Variants in CCDC71 observed in about 807,000 individuals in gnomAD.
The protein encoded by CCDC71 is coiled-coil domain containing 71, also known as coiled-coil domain-containing protein 71.
For missense variants in CCDC71, 594 were observed against 604.0 expected (o/e 0.98, Z 0.17); for synonymous variants, 257 against 242.2 (o/e 1.06, Z -0.57).
intron 1 of CCDC71, among the ~76,000 whole-genome samples, chr3:49,165,790 G>T (rs1461248348): frequency 1.3e-5 from 2 of 152,250 alleles, no homozygotes; most frequent in African/African-American, 4.8e-5. Flanking sequence ...AAATATTTGG[G>T]GTGACCTGGG....
chr3:49,163,603 C>T lies in CCDC71; in HGVS notation c.606G>A (p.Gln202=), dbSNP rs1332617531. Residue 202 remains glutamine, a synonymous_variant, in exon 2 of 2, where the codon CAG becomes CAA. Coordinates refer to ENST00000321895, the MANE Select transcript of CCDC71 (RefSeq NM_022903.4). The stretch of plus-strand genomic sequence containing the variant: ...TCAGAGGAGAGTCTGCAAGTGAGAG[C>T]TGCAGTGACTGTGCCTTGTGCTTGG... ...LGAKHKAQSL[Q]LSLADSPLKL... 2.0e-5 allele frequency: 33 copies of T among 1,614,088 alleles called. No homozygotes were observed. Among genetic ancestry groups the T allele is most frequent in the Non-Finnish European group, 2.7e-5 (32 of 1,180,050 alleles).
In CCDC71 at chr3:49,164,203, A is replaced by C. The variant is rs1477458303; in HGVS notation, c.6T>G (p.Ser2Arg). The change falls in exon 2 of 2, where the codon AGT becomes AGG. Residue 2 changes from serine (S) to arginine (R), a missense_variant. Coordinates refer to ENST00000321895, the MANE Select transcript of CCDC71 (RefSeq NM_022903.4). M[S>R]VVVQHVEEKA... is the part of the protein sequence containing the mutation. ...TTTCCTCCACATGCTGAACCACCACACTCATGGCATTAGGCACTGCAGATC... is the reference window on the plus strand; with the variant it reads ...TTTCCTCCACATGCTGAACCACCACCCTCATGGCATTAGGCACTGCAGATC... The C allele has an allele frequency of 6.2e-7, 1 of 1,607,498 alleles. No individual in the cohort carries two copies. Among genetic ancestry groups the C allele is most frequent in the South Asian group, 1.1e-5 (1 of 90,954 alleles).
chr3:49,164,654 G>A (rs1317230061), intron 1 of CCDC71, among the ~76,000 whole-genome samples: 1 of 152,190 alleles, frequency 6.6e-6, no homozygotes, highest in African/African-American at 2.4e-5. Flanking sequence ...AAAAGACACT[G>A]TTAAGATTCT....
rs1426171780 is a variant in CCDC71 at position 49,163,260 on chromosome 3, G to C, written c.949C>G (p.Gln317Glu). The C allele has an allele frequency of 6.3e-7, 1 of 1,574,806 alleles. No homozygotes were observed. Among genetic ancestry groups the C allele is most frequent in the Admixed American group, 1.7e-5 (1 of 57,730 alleles). The change falls in exon 2 of 2, where the codon CAG becomes GAG. Residue 317 changes from glutamine to glutamate, a missense_variant. Coordinates refer to ENST00000321895, the MANE Select transcript of CCDC71 (RefSeq NM_022903.4). ...AKARAKAKAAQVKAKAKAKAA... is the reference protein window; with the variant it reads ...AKARAKAKAAEVKAKAKAKAA... ...TTAGCTTTGGCCTTAGCCTTGACCT[G>C]TGCTGCCTTGGCCTTGGCCCGGGCC...
In CCDC71 at chr3:49,163,388, G is replaced by A; in HGVS notation, c.821C>T (p.Ser274Phe). 1 of 1,614,082 alleles carries A rather than the reference G, an allele frequency of 6.2e-7. No homozygotes were observed. The highest frequency in any genetic ancestry group is 8.5e-7 in the Non-Finnish European group (1 of 1,180,040). ...SPSVRRMKGG[S>F]ALGTKTAQAK... is the part of the protein sequence containing the mutation. ...CTGGGCTGTTTTGGTGCCCAGGGCA[G>A]AGCCCCCTTTCATTCGCCGGACACT... The change falls in exon 2 of 2, where the codon TCT becomes TTT. Residue 274 changes from serine (S) to phenylalanine (F), a missense_variant. By Grantham distance (155) the Ser-to-Phe change is radical (BLOSUM62 -2). Coordinates refer to ENST00000321895, the MANE Select transcript of CCDC71 (RefSeq NM_022903.4).
chr3:49,164,026 T>G lies in CCDC71; in HGVS notation c.183A>C (p.Gln61His). 6.2e-7 allele frequency: 1 copy of G among 1,614,056 alleles called. No individual in the cohort carries two copies. The highest frequency in any genetic ancestry group is 8.5e-7 in the Non-Finnish European group (1 of 1,179,998). ...FLQGLRDDGF[Q>H]PTILRSGDVY... is the part of the protein sequence containing the mutation. ...CATCACCACTGCGCAGGATGGTAGG[T>G]TGGAAGCCATCATCTCGCAGGCCCT... The change falls in exon 2 of 2, where the codon CAA becomes CAC. Residue 61 changes from glutamine to histidine, a missense_variant. By Grantham distance (24) the Gln-to-His change is conservative. Coordinates refer to ENST00000321895, the MANE Select transcript of CCDC71 (RefSeq NM_022903.4).
chr3:49,164,325 C>T, intron 1 of CCDC71, 65 bp from the exon 2 acceptor site: 1 of 933,576 alleles, frequency 1.1e-6, no homozygotes, highest in Non-Finnish European at 1.6e-6. Context: ...AACACATAGA[C>T]AAGTCAATCA....
chr3:49,163,230 C>G lies in CCDC71; in HGVS notation c.979G>C (p.Ala327Pro). Reference sequence around the variant, plus strand: ...ACTTTGGCCTTGGCCTTGACCTGTGCTGCCTTAGCTTTGGCCTTAGCCTTG... The same window carrying G: ...ACTTTGGCCTTGGCCTTGACCTGTGGTGCCTTAGCTTTGGCCTTAGCCTTG... ...QVKAKAKAKAAQVKAKAKVMA... is the reference protein window; with the variant it reads ...QVKAKAKAKAPQVKAKAKVMA... The change falls in exon 2 of 2, where the codon GCA becomes CCA. Residue 327 changes from alanine to proline, a missense_variant. Physicochemically the swap from Ala to Pro is conservative, Grantham distance 27. Coordinates refer to ENST00000321895, the MANE Select transcript of CCDC71 (RefSeq NM_022903.4). 6.4e-7 allele frequency: 1 copy of G among 1,571,758 alleles called. No homozygotes were observed. The highest frequency in any genetic ancestry group is 8.7e-7 in the Non-Finnish European group (1 of 1,148,616).
Position 49,162,657 on chromosome 3 carries a change from G to A in CCDC71, c.*148C>T, listed in dbSNP as rs1486879414. 8.4e-5 allele frequency: 3 copies of A among 35,596 alleles called. No homozygotes were observed. The South Asian group carries it at 1.5e-3, about 18-fold the overall frequency. The allele number at this position is 35,596 out of a possible 1,614,324, so 2.2% of individuals were successfully genotyped here. On this transcript the variant is annotated 3_prime_UTR_variant, in exon 2 of 2. Transcript: ENST00000321895. ...CACCCCACCGTACCCCACCCACTCTGGTTTCTGAAAGGAGGCTGGTGGTCA... is the reference window on the plus strand; with the variant it reads ...CACCCCACCGTACCCCACCCACTCTAGTTTCTGAAAGGAGGCTGGTGGTCA...
In CCDC71 at chr3:49,163,365, G is replaced by T; in HGVS notation, c.844C>A (p.Gln282Lys). ...GGSALGTKTAQAKVARTLAKA... is the reference protein window; with the variant it reads ...GGSALGTKTAKAKVARTLAKA... ...GCCAGTGTTCGAGCTACCTTGGCCTGGGCTGTTTTGGTGCCCAGGGCAGAG... is the reference window on the plus strand; with the variant it reads ...GCCAGTGTTCGAGCTACCTTGGCCTTGGCTGTTTTGGTGCCCAGGGCAGAG... The change falls in exon 2 of 2, where the codon CAG becomes AAG. Residue 282 changes from glutamine to lysine, a missense_variant. Transcript: ENST00000321895. The T allele has an allele frequency of 6.2e-7, 1 of 1,614,028 alleles. No individual in the cohort carries two copies. The highest frequency in any genetic ancestry group is 8.5e-7 in the Non-Finnish European group (1 of 1,180,050).
Position 49,162,725 on chromosome 3 carries a change from G to T in CCDC71, c.*80C>A. 1 of 1,406,944 alleles carries T rather than the reference G, an allele frequency of 7.1e-7. No individual in the cohort carries two copies. Among genetic ancestry groups the T allele is most frequent in the Non-Finnish European group, 9.6e-7 (1 of 1,045,884 alleles). The allele number at this position is 1,406,944 out of a possible 1,614,324, so 87.2% of individuals were successfully genotyped here. A position where few individuals can be genotyped will look rare whatever the true frequency, so the allele number is the denominator to read the frequency against. The stretch of plus-strand genomic sequence containing the variant: ...CACCGGGAGTCCTCAAGATTGTGGA[G>T]TCCACGGACATAGCACACTGTGCCA... On this transcript the variant is annotated 3_prime_UTR_variant, in exon 2 of 2. Coordinates refer to ENST00000321895, the MANE Select transcript of CCDC71 (RefSeq NM_022903.4).
At chr3:49,164,310 G>T (rs2045710685) in intron 1 of CCDC71, 50 bp from the exon 2 acceptor site, 7 of 1,124,868 alleles carry the variant, frequency 6.2e-6, no homozygotes, top group Non-Finnish European at 9.0e-6. Flanking sequence ...AAGACAAGGG[G>T]CCAGAACACA....
rs538826878 is a variant in CCDC71, at chr3:49,163,269, TGGCCTTGGCCCGGGCCTTAGC to T, written c.919_939del (p.Ala307_Ala313del). ...GCCTTAGCCTTGACCTGTGCTGCCT[TGGCCTTGGCCCGGGCCTTAGC>T]AGCCTTGGCCTGTGTTCGAGCCACC... On this transcript the variant is annotated inframe_deletion, in exon 2 of 2. Transcript: ENST00000321895. The T allele has an allele frequency of 1.2e-4, 189 of 1,590,062 alleles. 2 individuals carry two copies. In the Middle Eastern group the frequency reaches 1.3e-3, roughly 11 times the overall value.
rs751685580 is a variant in CCDC71, at chr3:49,163,783, C to A, written c.426G>T (p.Leu142=). Residue 142 remains leucine, a synonymous_variant, in exon 2 of 2, where the codon CTG becomes CTT. Coordinates refer to ENST00000321895, the MANE Select transcript of CCDC71 (RefSeq NM_022903.4). ...ALAKHATTNL[L]LSSLKQSSAS... is the part of the protein sequence containing the mutation. ...CACTTGATTGCTTCAGAGAGCTCAG[C>A]AGCAGGTTGGTGGTAGCATGCTTGG... 1.9e-6 allele frequency: 3 copies of A among 1,614,144 alleles called. No homozygotes were observed. The highest frequency in any genetic ancestry group is 2.5e-6 in the Non-Finnish European group (3 of 1,180,032).
In CCDC71 at chr3:49,163,284, C is replaced by A. The variant is rs778805507; in HGVS notation, c.925G>T (p.Ala309Ser). The stretch of plus-strand genomic sequence containing the variant: ...TGTGCTGCCTTGGCCTTGGCCCGGG[C>A]CTTAGCAGCCTTGGCCTGTGTTCGA... The part of the protein sequence containing the change: ...VARTQAKAAK[A>S]RAKAKAAQVK... Residue 309 changes from alanine to serine, a missense_variant, in exon 2 of 2, where the codon GCC (alanine) becomes TCC (serine). Physicochemically the swap from Ala to Ser is moderately conservative, Grantham distance 99. Transcript: ENST00000321895. 16 of 1,590,166 alleles carry A rather than the reference C, an allele frequency of 1.0e-5. No homozygotes were observed. The highest frequency in any genetic ancestry group is 4.3e-6 in the Non-Finnish European group (5 of 1,161,086).
Position 49,163,172 on chromosome 3 carries a change from G to C in CCDC71, c.1037C>G (p.Ala346Gly). 1 of 1,579,752 alleles carries C rather than the reference G, an allele frequency of 6.3e-7. No homozygotes were observed. The highest frequency in any genetic ancestry group is 8.7e-7 in the Non-Finnish European group (1 of 1,154,858). Residue 346 changes from alanine (A) to glycine (G), a missense_variant, in exon 2 of 2, where the codon GCC becomes GGC. Physicochemically the swap from Ala to Gly is moderately conservative, Grantham distance 60. Coordinates refer to ENST00000321895, the MANE Select transcript of CCDC71 (RefSeq NM_022903.4). ...MAAWAKAKAK[A>G]KAVRAKAKVA... ...CTTGGCCTTGGCCCGTACTGCCTTG[G>C]CTTTAGCCTTGGCCTTGGCCCATGC...
chr3:49,164,375 T>A lies in CCDC71; in HGVS notation c.-52-115A>T, dbSNP rs565539898. On this transcript the variant is annotated intron_variant, in intron 1 of 1. Coordinates refer to ENST00000321895, the MANE Select transcript of CCDC71 (RefSeq NM_022903.4). Reference sequence around the variant, plus strand: ...ATGACACTGAGGAATCTGGCCAGAGTGAGACACTTCCTGGTGTAAAACCCT... The same window carrying A: ...ATGACACTGAGGAATCTGGCCAGAGAGAGACACTTCCTGGTGTAAAACCCT... 13 of 657,306 alleles carry A rather than the reference T, an allele frequency of 2.0e-5. 1 individual carries two copies. Among genetic ancestry groups the A allele is most frequent in the African/African-American group, 1.1e-4 (6 of 54,870 alleles). 40.7% of individuals were successfully genotyped at this position (657,306 alleles called of 1,614,324 possible).
intron 1 of CCDC71, among the ~76,000 whole-genome samples, chr3:49,165,181 C>T (rs1339780714): frequency 6.6e-6 from 1 of 152,168 alleles, no homozygotes; most frequent in African/African-American, 2.4e-5. Context: ...AGACCAGGGA[C>T]CAGGAAGCCA....
Position 49,164,223 on chromosome 3 carries a change from C to T in CCDC71, c.-15G>A, listed in dbSNP as rs1341203316. 1.3e-6 allele frequency: 2 copies of T among 1,599,486 alleles called. No homozygotes were observed. Among genetic ancestry groups the T allele is most frequent in the South Asian group, 1.1e-5 (1 of 90,532 alleles). The stretch of plus-strand genomic sequence containing the variant: ...ACCACACTCATGGCATTAGGCACTG[C>T]AGATCTGCCTGGGTATCCGCAAACC... On this transcript the variant is annotated 5_prime_UTR_variant, in exon 2 of 2. Coordinates refer to ENST00000321895, the MANE Select transcript of CCDC71 (RefSeq NM_022903.4).
Sources: gnomAD v4.1 joint callset for allele counts (sites outside exome capture counted in the v4.1 genomes callset) on GRCh38, gnomAD v4.1.1 for gene constraint, MANE v1.5 for transcripts, NCBI Gene and HGNC (gene_info 2026-07-23, HGNC 2026-07-21) for gene names.